Variants in PPP6C observed in about 807,000 individuals in gnomAD.
PPP6C encodes protein phosphatase 6 catalytic subunit, also known as serine/threonine-protein phosphatase 6 catalytic subunit.
In PPP6C, 11 loss-of-function variants were observed where a neutral mutation model predicts 39.8. That is an observed-to-expected ratio of 0.28 (90% CI 0.17 to 0.46). PPP6C has a LOEUF of 0.46. Among genes scored for constraint, PPP6C ranks in the 20% least tolerant of loss-of-function variants. The pLI, the probability that PPP6C is intolerant of heterozygous loss-of-function variation, is 1.00. For missense variants in PPP6C, 211 were observed against 373.9 expected, an observed-to-expected ratio of 0.56 and a Z score of 3.59; for synonymous variants, 129 against 130.3, an observed-to-expected ratio of 0.99 and a Z score of 0.07.
At chr9:125,188,933 G>C in intron 1 of PPP6C, 3 of 1,548,312 alleles carry the variant, frequency 1.9e-6, no homozygotes, top group Non-Finnish European at 2.6e-6. Context: ...TTTAGAAAAC[G>C]AAGAAAATGA....
intron 6 of PPP6C, among the ~76,000 whole-genome samples, chr9:125,152,018 G>A (rs1202001856): frequency 6.6e-6 from 1 of 152,096 alleles, no homozygotes; most frequent in East Asian, 1.9e-4. Context: ...GCTAAATTAT[G>A]GCAAGAGCCC....
intron 6 of PPP6C, chr9:125,151,227 A>C: frequency 6.6e-7 from 1 of 1,509,066 alleles, no homozygotes; most frequent in East Asian, 2.3e-5. Flanking sequence ...TTCACAAAGA[A>C]GGCCAATGAA....
intron 4 of PPP6C, among the ~76,000 whole-genome samples, chr9:125,156,321 T>C (rs1005529705): frequency 1.3e-5 from 2 of 152,242 alleles, no homozygotes; most frequent in African/African-American, 4.8e-5. Flanking sequence ...TCATCCAGGC[T>C]GGAGTGCAAT....
chr9:125,166,177 A>G (rs1288870128), intron 2 of PPP6C, among the ~76,000 whole-genome samples: 3 of 152,222 alleles, frequency 2.0e-5, no homozygotes, highest in Non-Finnish European at 4.4e-5. Flanking sequence ...TTGAAAAATG[A>G]AAATGACATT....
At chr9:125,180,849 C>G (rs910310525) in intron 1 of PPP6C, among the ~76,000 whole-genome samples, 1 of 152,174 alleles carries the variant, frequency 6.6e-6, no homozygotes, top group Non-Finnish European at 1.5e-5. Flanking sequence ...CTGAAAATAA[C>G]AGTGGACTAT....
rs557376453 is a variant in PPP6C, at chr9:125,188,988, T to C, written c.75+656A>G. 641 of 1,462,162 alleles carry C rather than the reference T, an allele frequency of 4.4e-4. 5 individuals are homozygous for C. The South Asian group carries it at 4.7e-3, about 11-fold the overall frequency. 90.6% of individuals were successfully genotyped at this position (1,462,162 alleles called of 1,614,324 possible). The stretch of plus-strand genomic sequence containing the variant: ...GTTAAGGAGAAAGTATTTGTATTTA[T>C]TGAGAACCAACTACTTTATCCACTT... On this transcript the variant is annotated intron_variant, in intron 1 of 6. Coordinates refer to ENST00000373547, the MANE Select transcript of PPP6C (RefSeq NM_002721.5).
At chr9:125,162,042 T>G (rs1252483714) in intron 2 of PPP6C, among the ~76,000 whole-genome samples, 1 of 142,884 alleles carries the variant, frequency 7.0e-6, no homozygotes, top group Non-Finnish European at 1.5e-5. Flanking sequence ...CTGAAAGAAA[T>G]AAAGTAACAC....
intron 2 of PPP6C, among the ~76,000 whole-genome samples, chr9:125,165,587 G>A (rs999336168): frequency 1.3e-5 from 2 of 152,064 alleles, no homozygotes; most frequent in Admixed American, 1.3e-4. Flanking sequence ...TCTGCACTCA[G>A]TCTGTTGGGA....
intron 4 of PPP6C, among the ~76,000 whole-genome samples, chr9:125,155,056 T>C (rs1405472366): frequency 6.6e-6 from 1 of 152,144 alleles, no homozygotes; most frequent in Non-Finnish European, 1.5e-5. Flanking sequence ...TACAGGCAAG[T>C]GCCACCACAC....
At chr9:125,171,856 T>C in intron 1 of PPP6C, 1 of 457,328 alleles carries the variant, frequency 2.2e-6, no homozygotes, top group Admixed American at 2.4e-5. Flanking sequence ...GCCCAGCCAG[T>C]AAAAGATTTT....
rs1234775494 is a variant in PPP6C, at chr9:125,149,665, C to T, written c.*8G>A. On this transcript the variant is annotated 3_prime_UTR_variant, in exon 7 of 7. Coordinates refer to ENST00000373547, the MANE Select transcript of PPP6C (RefSeq NM_002721.5). The stretch of plus-strand genomic sequence containing the variant: ...CAGAAAAATGGGTCAGCAGGATGGG[C>T]GAAGGCCTCAAAGGAAATATGGCGT... 7.4e-6 allele frequency: 12 copies of T among 1,612,052 alleles called. No individual in the cohort carries two copies. Among genetic ancestry groups the T allele is most frequent in the African/African-American group, 2.7e-5 (2 of 74,848 alleles).
intron 2 of PPP6C, among the ~76,000 whole-genome samples, chr9:125,167,389 A>AAAAAAAAAAAAAAAAAAAAAAAAAAAAG (rs1554722081): frequency 2.9e-5 from 4 of 138,050 alleles, no homozygotes; most frequent in African/African-American, 1.1e-4. Context: ...CAAAAAAAAA[A>AAAAAAAAAAAAAAAAAAAAAAAAAAAAG]AAAAAAAAAA....
rs1230950152 is a variant in PPP6C, at chr9:125,189,771, G to A, written c.-53C>T. The A allele has an allele frequency of 3.3e-6, 5 of 1,536,726 alleles. No individual in the cohort carries two copies. The highest frequency in any genetic ancestry group is 1.4e-5 in the African/African-American group (1 of 69,918). ...CGGCGGCGGCGGCTGTAGCAGCGGC[G>A]GCGGCAGCGGCGGAGGCCGAAGCCG... On this transcript the variant is annotated 5_prime_UTR_variant, in exon 1 of 7. Coordinates refer to ENST00000373547, the MANE Select transcript of PPP6C (RefSeq NM_002721.5).
intron 1 of PPP6C, among the ~76,000 whole-genome samples, chr9:125,171,515 A>G (rs1380484223): frequency 2.0e-5 from 2 of 100,172 alleles, no homozygotes; most frequent in African/African-American, 6.7e-5. Context: ...ATATATATAT[A>G]TGAAGAAATA....
intron 1 of PPP6C, among the ~76,000 whole-genome samples, chr9:125,182,459 T>G (rs928949139): frequency 1.3e-4 from 20 of 152,044 alleles, no homozygotes; most frequent in African/African-American, 4.8e-4. Flanking sequence ...TTGGGCAACA[T>G]AGCAAAACCT....
chr9:125,185,528 T>C (rs1826420090), intron 1 of PPP6C, among the ~76,000 whole-genome samples: 1 of 151,524 alleles, frequency 6.6e-6, no homozygotes, highest in African/African-American at 2.4e-5. Flanking sequence ...ACCCCATCTC[T>C]ACTAAAAATA....
At chr9:125,170,498 A>G (rs1348578891) in intron 2 of PPP6C, among the ~76,000 whole-genome samples, 3 of 151,888 alleles carry the variant, frequency 2.0e-5, no homozygotes, top group Non-Finnish European at 2.9e-5. Flanking sequence ...CAGCCACCCA[A>G]AGTGCTGGGA....
At chr9:125,155,451 T>C (rs900455166) in intron 4 of PPP6C, among the ~76,000 whole-genome samples, 2 of 152,154 alleles carry the variant, frequency 1.3e-5, no homozygotes, top group Non-Finnish European at 2.9e-5. Flanking sequence ...AACAATGAGC[T>C]CAGGTTGCAG....
chr9:125,168,959 C>T (rs971047476), intron 2 of PPP6C, among the ~76,000 whole-genome samples: 1 of 152,000 alleles, frequency 6.6e-6, no homozygotes, highest in African/African-American at 2.4e-5. Flanking sequence ...CAGGGTTTCA[C>T]CATGTTGGCT....
Sources: allele counts gnomAD v4.1 joint callset (sites outside exome capture counted in the v4.1 genomes callset), GRCh38; gene constraint gnomAD v4.1.1; transcripts MANE v1.5; gene names NCBI Gene and HGNC (gene_info 2026-07-23, HGNC 2026-07-21).